The following UNC5C variants were observed in gnomAD, a reference collection of about 807,000 sequenced individuals.
UNC5C encodes the protein unc-5 netrin receptor C.
In UNC5C, 47 loss-of-function variants were observed where a neutral mutation model predicts 99.8. That is an observed-to-expected ratio of 0.47 (90% CI 0.37 to 0.60). The LOEUF is 0.60. Among genes scored for constraint, UNC5C ranks in the 20% least tolerant of loss-of-function variants. UNC5C has a pLI of 0.00. For missense variants in UNC5C, 1,062 were observed against 1,165.9 expected (o/e 0.91, Z 1.30); for synonymous variants, 487 against 452.2 (o/e 1.08, Z -0.98).
Position 95,250,520 on chromosome 4 carries a change from T to G in UNC5C, c.742A>C (p.Arg248=). ...TCVAKNIVAK[R]KSTTATVIVY... is the part of the protein sequence containing the mutation. The stretch of plus-strand genomic sequence containing the variant: ...ATGACAGTGGCAGTTGTACTTTTCC[T>G]CTTGGCAACAATGTTTTTGGCAACA... The change falls in exon 5 of 16, where the codon AGG becomes CGG. Residue 248 remains arginine (R), a synonymous_variant. Coordinates refer to ENST00000453304, the MANE Select transcript of UNC5C (RefSeq NM_003728.4). 6.2e-7 allele frequency: 1 copy of G among 1,614,042 alleles called. No individual in the cohort carries two copies. The highest frequency in any genetic ancestry group is 8.5e-7 in the Non-Finnish European group (1 of 1,179,960).
chr4:95,432,488 C>A (rs140075548), intron 1 of UNC5C, among the ~76,000 whole-genome samples: 1 of 151,996 alleles, frequency 6.6e-6, no homozygotes, highest in Non-Finnish European at 1.5e-5. Context: ...TTGATTTTGG[C>A]GTTTTGCCTA....
At chr4:95,448,951 A>T (rs1272726043) in intron 1 of UNC5C, among the ~76,000 whole-genome samples, 2 of 152,106 alleles carry the variant, frequency 1.3e-5, no homozygotes, top group Admixed American at 1.3e-4. Flanking sequence ...GACTCTTCTA[A>T]TGTCATGGGG....
At chr4:95,545,820 A>G (rs1366975909) in intron 1 of UNC5C, among the ~76,000 whole-genome samples, 1 of 151,626 alleles carries the variant, frequency 6.6e-6, no homozygotes, top group Non-Finnish European at 1.5e-5. Context: ...AAAATCTTTC[A>G]TTCTTGGAAG....
intron 1 of UNC5C, among the ~76,000 whole-genome samples, chr4:95,512,879 A>C (rs941083148): frequency 3.3e-5 from 5 of 152,336 alleles, no homozygotes; most frequent in East Asian, 1.9e-4. Flanking sequence ...ATTATTAATC[A>C]GAAGTATTAA....
At chr4:95,532,373 A>T (rs915222047) in intron 1 of UNC5C, among the ~76,000 whole-genome samples, 19 of 151,928 alleles carry the variant, frequency 1.3e-4, no homozygotes, top group Non-Finnish European at 1.9e-4. Context: ...AATGAACTTT[A>T]CCAACCTGAG....
Position 95,224,603 on chromosome 4 carries a change from AATTCATTC to A in UNC5C, c.1109-4435_1109-4428del, listed in dbSNP as rs35707866. Among the ~76,000 whole-genome samples, 29 of 150,974 alleles carry A rather than the reference AATTCATTC, an allele frequency of 1.9e-4. No individual in the cohort carries two copies. In the South Asian group the frequency reaches 4.2e-3, roughly 22 times the overall value. ...AATCTCATTCCAGGCACAGAATTGG[AATTCATTC>A]ATTCATTCATTCATTCATTCATCAT... On this transcript the variant is annotated intron_variant, in intron 7 of 15. Coordinates refer to ENST00000453304, the MANE Select transcript of UNC5C (RefSeq NM_003728.4).
chr4:95,241,420 G>A (rs1739327584), intron 7 of UNC5C, among the ~76,000 whole-genome samples: 2 of 152,194 alleles, frequency 1.3e-5, no homozygotes. Context: ...GTTCCTGTGT[G>A]TATAGACTCT....
chr4:95,170,119 G>C, intron 15 of UNC5C, 35 bp downstream of exon 15: 1 of 1,601,566 alleles, frequency 6.2e-7, no homozygotes, highest in Non-Finnish European at 8.5e-7. Context: ...GGCACTAACA[G>C]AAAGAAGCTA....
chr4:95,318,163 T>C (rs1329062573), intron 2 of UNC5C, among the ~76,000 whole-genome samples: 1 of 152,006 alleles, frequency 6.6e-6, no homozygotes, highest in Non-Finnish European at 1.5e-5. Flanking sequence ...TCCAGGATAA[T>C]ATCCTGGATT....
At chr4:95,445,922 T>C (rs925487233) in intron 1 of UNC5C, among the ~76,000 whole-genome samples, 15 of 151,494 alleles carry the variant, frequency 9.9e-5, no homozygotes, top group African/African-American at 3.4e-4. Flanking sequence ...GGAAGTTACT[T>C]ACTAAGAATA....
At chr4:95,453,164 A>C (rs1747324223) in intron 1 of UNC5C, among the ~76,000 whole-genome samples, 1 of 152,168 alleles carries the variant, frequency 6.6e-6, no homozygotes, top group African/African-American at 2.4e-5. Flanking sequence ...TACCAGACTA[A>C]GCACCAATGC....
At chr4:95,434,512 G>A (rs1746720572) in intron 1 of UNC5C, among the ~76,000 whole-genome samples, 1 of 152,056 alleles carries the variant, frequency 6.6e-6, no homozygotes, top group South Asian at 2.1e-4. Flanking sequence ...CCAAGCTGAG[G>A]CTTGGAATAG....
intron 3 of UNC5C, among the ~76,000 whole-genome samples, chr4:95,290,371 T>C (rs192640881): frequency 1.8e-4 from 27 of 151,718 alleles, no homozygotes; most frequent in Admixed American, 3.3e-4. Flanking sequence ...TATCTTTCCT[T>C]CTCAAATATT....
chr4:95,352,676 G>T (rs1012547060), intron 1 of UNC5C, among the ~76,000 whole-genome samples: 2 of 152,114 alleles, frequency 1.3e-5, no homozygotes, highest in African/African-American at 4.8e-5. Flanking sequence ...TCGTTCAAAA[G>T]CTTGGAATTC....
chr4:95,258,951 C>T (rs1266071522), intron 4 of UNC5C, among the ~76,000 whole-genome samples: 2 of 150,110 alleles, frequency 1.3e-5, no homozygotes, highest in African/African-American at 2.5e-5. Context: ...TTAGTAGAGA[C>T]GGGGTTTCAC....
chr4:95,416,637 TAAATATGCTTTTATCAGCATTGCAA>T (rs942220124), intron 1 of UNC5C, among the ~76,000 whole-genome samples: 1 of 152,220 alleles, frequency 6.6e-6, no homozygotes, highest in African/African-American at 2.4e-5. Flanking sequence ...CCAGTTCACA[TAAATATGCTTTTATCAGCATTGCAA>T]AAATATGCTT....
intron 1 of UNC5C, among the ~76,000 whole-genome samples, chr4:95,511,872 T>G (rs1052639991): frequency 6.6e-6 from 1 of 152,104 alleles, no homozygotes; most frequent in Non-Finnish European, 1.5e-5. Flanking sequence ...TCTGAGGAAG[T>G]TGGGGAAGGG....
intron 1 of UNC5C, among the ~76,000 whole-genome samples, chr4:95,426,222 G>A (rs1268401928): frequency 6.6e-6 from 1 of 152,096 alleles, no homozygotes; most frequent in Non-Finnish European, 1.5e-5. Flanking sequence ...ATCTGCCATG[G>A]TGATCTTTGA....
In UNC5C at chr4:95,351,941, G is replaced by A. The variant is rs528570653; in HGVS notation, c.125-16310C>T. Among the ~76,000 whole-genome samples the A allele has an allele frequency of 3.9e-5, 6 of 152,122 alleles. No individual in the cohort carries two copies. The East Asian group carries it at 9.7e-4, about 25-fold the overall frequency. Reference sequence around the variant, plus strand: ...CAAACTTCCTCCTCTTTGGGGGACTGTTCATTAGCACTCTATTGCTTCCTG... The same window carrying A: ...CAAACTTCCTCCTCTTTGGGGGACTATTCATTAGCACTCTATTGCTTCCTG... On this transcript the variant is annotated intron_variant, in intron 1 of 15. Transcript: ENST00000453304.
Sources: gnomAD v4.1 joint callset for allele counts (sites outside exome capture counted in the v4.1 genomes callset) on GRCh38, gnomAD v4.1.1 for gene constraint, MANE v1.5 for transcripts, NCBI Gene and HGNC (gene_info 2026-07-23, HGNC 2026-07-21) for gene names.